Variants in OLFML1 observed in about 807,000 individuals in gnomAD.
OLFML1 encodes the protein olfactomedin like 1, also known as olfactomedin-like protein 1.
A neutral mutation model predicts 37.3 loss-of-function variants in OLFML1; 33 were observed. The observed-to-expected ratio is 0.88, with a 90% CI of 0.67 to 1.18. The LOEUF is 1.18. Among genes scored for constraint, OLFML1 ranks in the 50% most tolerant of loss-of-function variants. The pLI is 0.00. For missense variants in OLFML1, 545 were observed against 483.7 expected (o/e 1.13, Z -1.19); for synonymous variants, 186 against 181.3 (o/e 1.03, Z -0.21).
intron 2 of OLFML1, among the ~76,000 whole-genome samples, chr11:7,500,409 C>G (rs4758192): frequency 0.5 from 75,827 of 151,934 alleles, 19,476 homozygotes; most frequent in Non-Finnish European, 0.54. Flanking sequence ...ACACCCAGAT[C>G]CTCTTCATTC....
At chr11:7,506,047 T>C (rs1848782226) in intron 2 of OLFML1, among the ~76,000 whole-genome samples, 1 of 152,118 alleles carries the variant, frequency 6.6e-6, no homozygotes, top group African/African-American at 2.4e-5. Flanking sequence ...TCTATGGAGT[T>C]ATGGTGAAGT....
chr11:7,501,366 G>A (rs1316853986), intron 2 of OLFML1, among the ~76,000 whole-genome samples: 1 of 152,158 alleles, frequency 6.6e-6, no homozygotes, highest in Non-Finnish European at 1.5e-5. Flanking sequence ...CATTCCCCAG[G>A]GCTTTCGCTT....
chr11:7,501,202 G>A (rs563383230), intron 2 of OLFML1, among the ~76,000 whole-genome samples: 18 of 152,266 alleles, frequency 1.2e-4, no homozygotes, highest in South Asian at 1.0e-3. Context: ...AAGGTCTCTC[G>A]GGCTCAGGTG....
chr11:7,497,915 T>C (rs1848682226), intron 2 of OLFML1, among the ~76,000 whole-genome samples: 1 of 152,224 alleles, frequency 6.6e-6, no homozygotes, highest in South Asian at 2.1e-4. Flanking sequence ...CACTGAATTT[T>C]ATACAGTTCC....
intron 2 of OLFML1, among the ~76,000 whole-genome samples, chr11:7,495,976 C>T (rs1168319517): frequency 6.6e-6 from 1 of 152,198 alleles, no homozygotes; most frequent in African/African-American, 2.4e-5. Context: ...TTATCTGTTG[C>T]CACAATAATG....
chr11:7,508,481 TAC>T (rs1173716704), intron 2 of OLFML1, among the ~76,000 whole-genome samples: 1 of 152,204 alleles, frequency 6.6e-6, no homozygotes, highest in African/African-American at 2.4e-5. Context: ...CCAAATCAAA[TAC>T]AGATTCTTCC....
chr11:7,492,575 A>G (rs1055569752), intron 2 of OLFML1, among the ~76,000 whole-genome samples: 5 of 152,222 alleles, frequency 3.3e-5, no homozygotes, highest in Non-Finnish European at 7.3e-5. Context: ...TAATAAGATA[A>G]AATTGTTCTA....
At chr11:7,508,407 T>G (rs1848811341) in intron 2 of OLFML1, among the ~76,000 whole-genome samples, 1 of 152,234 alleles carries the variant, frequency 6.6e-6, no homozygotes, top group South Asian at 2.1e-4. Context: ...GAAAGTGGTT[T>G]TGTTTGCTGT....
intron 2 of OLFML1, among the ~76,000 whole-genome samples, chr11:7,505,738 G>A (rs939075695): frequency 6.6e-6 from 1 of 152,130 alleles, no homozygotes; most frequent in Non-Finnish European, 1.5e-5. Context: ...GGAGAAGGTG[G>A]GGGGATTGCT....
At chr11:7,503,831 G>A (rs1848751062) in intron 2 of OLFML1, among the ~76,000 whole-genome samples, 1 of 152,154 alleles carries the variant, frequency 6.6e-6, no homozygotes, top group Admixed American at 6.5e-5. Flanking sequence ...ATGTAGGGTT[G>A]GGAGCAGTTT....
Position 7,488,268 on chromosome 11 carries a change from A to G in OLFML1, c.271A>G (p.Arg91Gly). ...YKSAVGNLAL[R>G]VERAQREIDY... ...GAGTGCAGTGGGTAACTTGGCACTG[A>G]GAGTTGAACGTGCCCAACGGGAGAT... Residue 91 changes from arginine (R) to glycine (G), a missense_variant, in exon 2 of 3, where the codon AGA (arginine) becomes GGA (glycine). Physicochemically the swap from Arg to Gly is moderately radical, Grantham distance 125. Coordinates refer to ENST00000329293, the MANE Select transcript of OLFML1 (RefSeq NM_198474.4). 1 of 1,614,120 alleles carries G rather than the reference A, an allele frequency of 6.2e-7. No homozygotes were observed. Among genetic ancestry groups the G allele is most frequent in the Non-Finnish European group, 8.5e-7 (1 of 1,180,002 alleles).
rs1590065633 is a variant in OLFML1 at position 7,510,782 on chromosome 11, G to C, written c.*594G>C. The C allele has an allele frequency of 1.3e-5, 2 of 152,274 alleles. No homozygotes were observed. Among genetic ancestry groups the C allele is most frequent in the African/African-American group, 4.8e-5 (2 of 41,420 alleles). The allele number at this position is 152,274 out of a possible 1,614,324, so 9.4% of individuals were successfully genotyped here. ...GCCTCCTAAGTACCTGGGATTACAG[G>C]CATGTGCCACCACACCTGGCTTAAA... On this transcript the variant is annotated 3_prime_UTR_variant, in exon 3 of 3. Coordinates refer to ENST00000329293, the MANE Select transcript of OLFML1 (RefSeq NM_198474.4).
intron 2 of OLFML1, among the ~76,000 whole-genome samples, chr11:7,489,870 CTA>C (rs1383052148): frequency 1.3e-5 from 2 of 152,018 alleles, no homozygotes; most frequent in Non-Finnish European, 2.9e-5. Context: ...ACTTATTACT[CTA>C]TAATTTTTTT....
At chr11:7,505,102 A>ATT (rs10642637) in intron 2 of OLFML1, among the ~76,000 whole-genome samples, 76,550 of 142,654 alleles carry the variant, frequency 0.54, 20,387 homozygotes, top group Middle Eastern at 0.57. Context: ...TAATTATTGT[A>ATT]TTTTTTTTTT....
intron 2 of OLFML1, among the ~76,000 whole-genome samples, chr11:7,501,363 C>T (rs1434180005): frequency 1.3e-5 from 2 of 152,234 alleles, no homozygotes; most frequent in African/African-American, 4.8e-5. Flanking sequence ...CCACATTCCC[C>T]AGGGCTTTCG....
rs554259803 is a variant in OLFML1 at position 7,493,285 on chromosome 11, GT to G, written c.418+4874del. Among the ~76,000 whole-genome samples, 61 of 152,290 alleles carry G rather than the reference GT, an allele frequency of 4.0e-4. No homozygotes were observed. The East Asian group carries it at 0.012, about 29-fold the overall frequency. On this transcript the variant is annotated intron_variant, in intron 2 of 2. Transcript: ENST00000329293. ...TTTGAAGCCTCTGGGATCTGTCCAG[GT>G]TTTATAAGTGTGCATGACCCATATT...
chr11:7,488,646 G>A, intron 2 of OLFML1: 1 of 343,996 alleles, frequency 2.9e-6, no homozygotes, highest in Non-Finnish European at 5.3e-6. Flanking sequence ...CTCCATAGAT[G>A]GTGAAGGCTA....
intron 1 of OLFML1, among the ~76,000 whole-genome samples, chr11:7,487,877 A>G (rs1340751399): frequency 6.6e-6 from 1 of 152,218 alleles, no homozygotes; most frequent in Non-Finnish European, 1.5e-5. Context: ...GATACAAAAC[A>G]TATAGTAAAA....
intron 2 of OLFML1, among the ~76,000 whole-genome samples, chr11:7,505,828 C>T (rs554882693): frequency 2.5e-4 from 28 of 112,126 alleles, no homozygotes; most frequent in South Asian, 5.8e-4. Flanking sequence ...AAAAACCTGT[C>T]TCACCTGTCT....
Sources: gnomAD v4.1 joint callset for allele counts (sites outside exome capture counted in the v4.1 genomes callset) on GRCh38, gnomAD v4.1.1 for gene constraint, MANE v1.5 for transcripts, NCBI Gene and HGNC (gene_info 2026-07-23, HGNC 2026-07-21) for gene names.